CEP85L: variants seen among roughly 807,000 people sequenced by gnomAD.
CEP85L encodes the protein centrosomal protein of 85 kDa-like.
A neutral mutation model predicts 100.3 loss-of-function variants in CEP85L; 60 were observed. The ratio of observed to expected loss-of-function variants is 0.60; its 90% CI spans 0.49 to 0.74. CEP85L has a LOEUF of 0.74. Ranked by LOEUF, CEP85L falls within the 30% of genes least tolerant of loss-of-function variation. The probability of loss-of-function intolerance (pLI) is 0.00; values close to 1 mark genes in which losing one functional copy is unlikely to be tolerated. For synonymous variants in CEP85L, 319 were observed against 322.7 expected (o/e 0.99, Z 0.12); for missense variants, 973 against 936.2 (o/e 1.04, Z -0.51).
chr6:118,707,094 T>C (rs1209971142), intron 1 of CEP85L, among the ~76,000 whole-genome samples: 1 of 152,164 alleles, frequency 6.6e-6, no homozygotes, highest in Non-Finnish European at 1.5e-5. Flanking sequence ...AACTCTGCCA[T>C]GGATGCCATT....
At position 118,505,907 on chromosome 6, in the gene CEP85L, A is replaced by AAT. The variant is rs530869549; in HGVS notation, c.1257+5389_1257+5390dup. On this transcript the variant is annotated intron_variant, in intron 5 of 12. Coordinates refer to ENST00000368491, the MANE Select transcript of CEP85L (RefSeq NM_001042475.3). Reference sequence around the variant, plus strand: ...GGTTTTTGAGTGTTAATGGTGTGTCAATATAGGTTCACTAATTATAAATAA... The same window carrying AAT: ...GGTTTTTGAGTGTTAATGGTGTGTCAATATATAGGTTCACTAATTATAAATAA... Among the ~76,000 whole-genome samples the AAT allele has an allele frequency of 1.6e-4, 25 of 152,324 alleles. No homozygotes were observed. The South Asian group carries it at 5.2e-3, about 32-fold the overall frequency.
intron 1 of CEP85L, among the ~76,000 whole-genome samples, chr6:118,679,182 C>T (rs145459217): frequency 1.5e-3 from 228 of 152,326 alleles, no homozygotes; most frequent in Non-Finnish European, 2.3e-3. Flanking sequence ...TTCCTGAGAA[C>T]TCATTTTGTA....
At chr6:118,589,698 G>A in intron 2 of CEP85L, 1 of 276,360 alleles carries the variant, frequency 3.6e-6, no homozygotes, top group Non-Finnish European at 7.1e-6. Context: ...GACCTTCTAT[G>A]AACATGGGCA....
chr6:118,540,684 G>T (rs1278751465), intron 3 of CEP85L, among the ~76,000 whole-genome samples: 2 of 151,950 alleles, frequency 1.3e-5, no homozygotes, highest in African/African-American at 4.8e-5. Flanking sequence ...TTGAACCTGG[G>T]AGGCGAAGCT....
At chr6:118,466,554 G>T (rs549576433) in intron 12 of CEP85L, among the ~76,000 whole-genome samples, 68 of 152,120 alleles carry the variant, frequency 4.5e-4, no homozygotes, top group Non-Finnish European at 7.9e-4. Context: ...TTGTTCACTG[G>T]GTTGGCCAAA....
chr6:118,560,831 TTTAAG>T (rs554782938), intron 3 of CEP85L: 1 of 153,398 alleles, frequency 6.5e-6, no homozygotes, highest in South Asian at 2.1e-4. Flanking sequence ...ACTTTGGTAA[TTTAAG>T]TTGACTAAAG....
In CEP85L at chr6:118,566,052, T is replaced by C. The variant is rs9489444; in HGVS notation, c.497A>G (p.Asp166Gly). ...WSSLSKLTAP[D>G]NCGQGGTVCR... is the part of the protein sequence containing the mutation. ...TACAGTGCCACCCTGGCCACAGTTA[T>C]CCGGGGCAGTGAGTTTGGATAAAGA... Residue 166 changes from aspartate to glycine, a missense_variant, in exon 3 of 13, where the codon GAT (aspartate) becomes GGT (glycine). This residue lies in a region of CEP85L where 890 missense variants were observed against 844.5 expected (regional missense o/e 1.05). Transcript: ENST00000368491. The C allele has an allele frequency of 3.1e-6, 5 of 1,614,198 alleles. No homozygotes were observed. The highest frequency in any genetic ancestry group is 2.2e-5 in the East Asian group (1 of 44,892).
upstream of CEP85L, chr6:118,652,432 A>C: frequency 8.6e-7 from 1 of 1,166,792 alleles, no homozygotes; most frequent in Non-Finnish European, 1.1e-6. Context: ...TGATGCTTCC[A>C]ACGTTTAGTT....
intron 4 of CEP85L, among the ~76,000 whole-genome samples, chr6:118,522,494 T>A (rs538706241): frequency 1.6e-4 from 24 of 152,304 alleles, no homozygotes; most frequent in East Asian, 9.6e-4. Context: ...TTTCCTAAAA[T>A]CAATTAAAAC....
intron 1 of CEP85L, among the ~76,000 whole-genome samples, chr6:118,671,572 A>G (rs1365334585): frequency 6.6e-6 from 1 of 152,198 alleles, no homozygotes; most frequent in Non-Finnish European, 1.5e-5. Context: ...CTATTCTGAA[A>G]TATCTCCAGG....
chr6:118,612,166 A>G (rs1054998321), intron 2 of CEP85L, among the ~76,000 whole-genome samples: 7 of 152,166 alleles, frequency 4.6e-5, no homozygotes, highest in Non-Finnish European at 8.8e-5. Context: ...CTAGAAATTA[A>G]TAACAGAAAG....
chr6:118,481,912 T>C lies in CEP85L; in HGVS notation c.1612A>G (p.Asn538Asp), dbSNP rs1364261981. ...SLQLQILEEK[N>D]KNLQEALIDT... is the part of the protein sequence containing the mutation. ...ATCAAAGCCTCTTGTAAATTCTTAT[T>C]TTTTTCTTCCAGAATCTGCAGCTAA... The change falls in exon 8 of 13, where the codon AAT (asparagine) becomes GAT (aspartate). Residue 538 changes from asparagine to aspartate, a missense_variant. Coordinates refer to ENST00000368491, the MANE Select transcript of CEP85L (RefSeq NM_001042475.3). The C allele has an allele frequency of 1.0e-5, 16 of 1,564,104 alleles. No individual in the cohort carries two copies. Among genetic ancestry groups the C allele is most frequent in the Non-Finnish European group, 1.4e-5 (16 of 1,155,784 alleles).
chr6:118,605,040 C>T (rs776980027), intron 2 of CEP85L, among the ~76,000 whole-genome samples: 3 of 152,076 alleles, frequency 2.0e-5, no homozygotes, highest in Non-Finnish European at 4.4e-5. Context: ...AGATTCCGCA[C>T]GTGTAAGATT....
chr6:118,602,383 TAGA>T (rs1205657066), intron 2 of CEP85L, among the ~76,000 whole-genome samples: 3 of 152,200 alleles, frequency 2.0e-5, no homozygotes, highest in Middle Eastern at 3.2e-3. Flanking sequence ...TAAACTAAAC[TAGA>T]AGGTTTTCCA....
intron 2 of CEP85L, among the ~76,000 whole-genome samples, chr6:118,619,861 T>C (rs1667721344): frequency 6.6e-6 from 1 of 152,018 alleles, no homozygotes; most frequent in Non-Finnish European, 1.5e-5. Flanking sequence ...AGCCCAGCAA[T>C]TTAGGGATTT....
intron 2 of CEP85L, among the ~76,000 whole-genome samples, chr6:118,567,416 T>A (rs1271903531): frequency 1.3e-5 from 2 of 151,812 alleles, no homozygotes; most frequent in Non-Finnish European, 2.9e-5. Flanking sequence ...GGTCAGGCCC[T>A]CACATCATAC....
At chr6:118,659,964 AT>A (rs1775916906) in intron 1 of CEP85L, among the ~76,000 whole-genome samples, 1 of 152,232 alleles carries the variant, frequency 6.6e-6, no homozygotes, top group Non-Finnish European at 1.5e-5. Flanking sequence ...TTACCACATA[AT>A]TTTTTTAAAA....
In CEP85L at chr6:118,491,773, A is replaced by G. The variant is rs775204789; in HGVS notation, c.1350T>C (p.Ser450=). The change falls in exon 6 of 13, where the codon TCT becomes TCC. Residue 450 remains serine (S), a synonymous_variant. Coordinates refer to ENST00000368491, the MANE Select transcript of CEP85L (RefSeq NM_001042475.3). ...QQGEFEQKLA[S]TEKEVLQLNE... ...TAAGCTGTAAAACTTCTTTCTCAGT[A>G]GATGCAAGCTTTTGCTCAAATTCCC... The G allele has an allele frequency of 1.9e-6, 3 of 1,613,224 alleles. No individual in the cohort carries two copies. The South Asian group carries it at 3.3e-5, about 18-fold the overall frequency.
At chr6:118,545,769 C>G (rs1190178716) in intron 3 of CEP85L, among the ~76,000 whole-genome samples, 1 of 151,992 alleles carries the variant, frequency 6.6e-6, no homozygotes, top group Non-Finnish European at 1.5e-5. Flanking sequence ...GACACTTTAC[C>G]CTTAAGAATC....
Sources: allele counts gnomAD v4.1 joint callset (sites outside exome capture counted in the v4.1 genomes callset), GRCh38; gene constraint gnomAD v4.1.1; regional missense constraint gnomAD v4.1.1; transcripts MANE v1.5; gene names NCBI Gene and HGNC (gene_info 2026-07-23, HGNC 2026-07-21).